The following HERC4 variants were observed in gnomAD, a reference collection of about 807,000 sequenced individuals.
HERC4 encodes probable E3 ubiquitin-protein ligase HERC4.
HERC4 carries 28 observed loss-of-function variants against 124.3 expected under a neutral mutation model. The observed-to-expected ratio is 0.23, with a 90% CI of 0.17 to 0.31. The LOEUF is 0.31. HERC4 is among the 10% of genes least tolerant of loss of function. The pLI, the probability that HERC4 is intolerant of heterozygous loss-of-function variation, is 1.00. For missense variants in HERC4, 713 were observed against 1,229.3 expected (o/e 0.58, Z 6.28); for synonymous variants, 407 against 421.5 (o/e 0.97, Z 0.42).
chr10:67,978,711 T>C (rs1589234697), intron 15 of HERC4, among the ~76,000 whole-genome samples: 1 of 152,140 alleles, frequency 6.6e-6, no homozygotes, highest in Admixed American at 6.5e-5. Flanking sequence ...GTAGTCCCAG[T>C]GGTGGTAGCA....
intron 22 of HERC4, 25 bp downstream of exon 22, chr10:67,936,128 A>G (rs752034596): frequency 2.7e-6 from 4 of 1,463,638 alleles, no homozygotes; most frequent in South Asian, 2.5e-5. Flanking sequence ...TATTACTCCC[A>G]CTGTTGCTGC....
At chr10:68,064,725 C>A (rs2041213662) in intron 3 of HERC4, among the ~76,000 whole-genome samples, 1 of 151,996 alleles carries the variant, frequency 6.6e-6, no homozygotes, top group African/African-American at 2.4e-5. Context: ...GTAATCCCAG[C>A]ACTTTGGGAG....
At position 67,954,858 on chromosome 10, in the gene HERC4, A is replaced by C. The variant is rs902609176; in HGVS notation, c.2193+105T>G. 6 of 1,209,450 alleles carry C rather than the reference A, an allele frequency of 5.0e-6. No homozygotes were observed. In the African/African-American group the frequency reaches 9.6e-5, roughly 19 times the overall value. The allele number at this position is 1,209,450 out of a possible 1,614,324, so 74.9% of individuals were successfully genotyped here. On this transcript the variant is annotated intron_variant, in intron 18 of 24. Coordinates refer to ENST00000373700, the MANE Select transcript of HERC4 (RefSeq NM_015601.4). ...CAATTAATAGTTTAAAATAAATATA[A>C]TTTTATTTATTAAGTTTAAAAGATT...
intron 3 of HERC4, chr10:68,068,940 T>G: frequency 3.9e-6 from 2 of 517,794 alleles, no homozygotes; most frequent in Non-Finnish European, 5.0e-6. Context: ...GAGAATTAAA[T>G]GAGATACTCC....
chr10:67,948,804 C>T (rs2033580176), intron 19 of HERC4, among the ~76,000 whole-genome samples: 1 of 152,022 alleles, frequency 6.6e-6, no homozygotes, highest in East Asian at 1.9e-4. Flanking sequence ...ACCTATAGTC[C>T]CAGCTACTTG....
intron 19 of HERC4, among the ~76,000 whole-genome samples, chr10:67,941,749 G>T (rs545253601): frequency 7.7e-6 from 1 of 129,984 alleles, no homozygotes; most frequent in South Asian, 2.4e-4. Context: ...TGTGATCTCT[G>T]CTCACTGCAA....
Position 67,954,573 on chromosome 10 carries a change from T to A in HERC4, c.2337+22A>T, listed in dbSNP as rs771669668. Reference sequence around the variant, plus strand: ...TACATGGGTATATACACAGAAGTAATTTAGATGGTTGGACATTTTACCTTA... The same window carrying A: ...TACATGGGTATATACACAGAAGTAAATTAGATGGTTGGACATTTTACCTTA... On this transcript the variant is annotated intron_variant, in intron 19 of 24. Coordinates refer to ENST00000373700, the MANE Select transcript of HERC4 (RefSeq NM_015601.4). 4 of 1,605,156 alleles carry A rather than the reference T, an allele frequency of 2.5e-6. No homozygotes were observed. In the South Asian group the frequency reaches 4.4e-5, roughly 18 times the overall value.
intron 7 of HERC4, among the ~76,000 whole-genome samples, chr10:68,027,652 G>A (rs2038973139): frequency 6.6e-6 from 1 of 152,228 alleles, no homozygotes; most frequent in African/African-American, 2.4e-5. Flanking sequence ...GTGGGGCACG[G>A]TGGCTCACGC....
intron 3 of HERC4, chr10:68,069,681 C>A (rs569097190): frequency 5.4e-4 from 531 of 985,230 alleles, no homozygotes; most frequent in Non-Finnish European, 5.6e-4. Flanking sequence ...ATTTATAAAG[C>A]CAACCTATGT....
chr10:68,037,689 C>T (rs1286021464), intron 5 of HERC4, among the ~76,000 whole-genome samples: 1 of 151,958 alleles, frequency 6.6e-6, no homozygotes, highest in Non-Finnish European at 1.5e-5. Context: ...AAAATGACAC[C>T]ATTCACAACA....
At chr10:67,933,402 GA>G (rs1436426440) in intron 22 of HERC4, among the ~76,000 whole-genome samples, 1 of 151,982 alleles carries the variant, frequency 6.6e-6, no homozygotes, top group East Asian at 1.9e-4. Context: ...AAACTGTAAA[GA>G]AAAAAAGAAG....
chr10:67,981,016 T>C (rs1238921568), intron 15 of HERC4, among the ~76,000 whole-genome samples: 1 of 149,230 alleles, frequency 6.7e-6, no homozygotes, highest in Non-Finnish European at 1.5e-5. Flanking sequence ...CCACCAGAAA[T>C]GAGTAACAAA....
At chr10:68,035,513 T>C (rs2039416639) in intron 5 of HERC4, among the ~76,000 whole-genome samples, 1 of 152,152 alleles carries the variant, frequency 6.6e-6, no homozygotes, top group Non-Finnish European at 1.5e-5. Context: ...TCTATGCACA[T>C]ATAAATAGAC....
intron 3 of HERC4, among the ~76,000 whole-genome samples, chr10:68,071,640 T>C (rs372850221): frequency 4.6e-5 from 7 of 152,306 alleles, no homozygotes; most frequent in African/African-American, 1.7e-4. Context: ...TACCATTCAT[T>C]TCTACCAATA....
At position 67,962,326 on chromosome 10, in the gene HERC4, A is replaced by C. The variant is rs2132396995; in HGVS notation, c.1926+4357T>G. 2.0e-5 allele frequency among the ~76,000 whole-genome samples: 3 copies of C among 152,194 alleles called. No homozygotes were observed. The South Asian group carries it at 6.2e-4, about 32-fold the overall frequency. On this transcript the variant is annotated intron_variant, in intron 16 of 24. Coordinates refer to ENST00000373700, the MANE Select transcript of HERC4 (RefSeq NM_015601.4). ...GGGAGATCGATTTTCTCCTTAGCTA[A>C]ACAATGAAATATTAGTATGTATGCA...
At chr10:67,985,044 T>C (rs1429763060) in intron 15 of HERC4, among the ~76,000 whole-genome samples, 1 of 152,182 alleles carries the variant, frequency 6.6e-6, no homozygotes, top group African/African-American at 2.4e-5. Context: ...TGAAAAGAAA[T>C]GTTAATGTTA....
At chr10:67,954,407 G>A in intron 19 of HERC4, 188 bp downstream of exon 19, 1 of 404,044 alleles carries the variant, frequency 2.5e-6, no homozygotes, top group Non-Finnish European at 4.3e-6. Context: ...TTTAAAATGT[G>A]TGGTAAGCAT....
At chr10:68,024,823 A>T (rs1407653179) in intron 8 of HERC4, among the ~76,000 whole-genome samples, 1 of 152,190 alleles carries the variant, frequency 6.6e-6, no homozygotes, top group Non-Finnish European at 1.5e-5. Flanking sequence ...ATGAAGCTCA[A>T]CTCAAAGACT....
intron 7 of HERC4, among the ~76,000 whole-genome samples, chr10:68,026,799 C>T (rs1201689098): frequency 6.6e-6 from 1 of 151,650 alleles, no homozygotes; most frequent in African/African-American, 2.4e-5. Flanking sequence ...GCCGAGATCA[C>T]GCCACTGCAC....
Sources: gnomAD v4.1 joint callset for allele counts (sites outside exome capture counted in the v4.1 genomes callset) on GRCh38, gnomAD v4.1.1 for gene constraint, MANE v1.5 for transcripts, NCBI Gene and HGNC (gene_info 2026-07-23, HGNC 2026-07-21) for gene names.